The following SRRM3 variants were observed in gnomAD, a reference collection of about 807,000 sequenced individuals.
SRRM3 encodes serine/arginine repetitive matrix 3.
In SRRM3, 27 loss-of-function variants were observed where a neutral mutation model predicts 66.2. That is an observed-to-expected ratio of 0.41 (90% CI 0.30 to 0.56). The LOEUF is 0.56. Among genes scored for constraint, SRRM3 ranks in the 20% least tolerant of loss-of-function variants. The probability of loss-of-function intolerance (pLI) is 0.32; values close to 1 mark genes in which losing one functional copy is unlikely to be tolerated. For missense variants in SRRM3, 918 were observed against 991.9 expected (o/e 0.93, Z 1.00); for synonymous variants, 391 against 414.9 (o/e 0.94, Z 0.70).
At chr7:76,225,223 C>T (rs934954918) in intron 1 of SRRM3, among the ~76,000 whole-genome samples, 8 of 152,176 alleles carry the variant, frequency 5.3e-5, no homozygotes, top group Admixed American at 5.2e-4. Context: ...GACTCCAAGT[C>T]CTTGTCCTGG....
rs1433176087 is a variant in SRRM3 at position 76,260,063 on chromosome 7, G to A, written c.464+29G>A. 11 of 1,472,632 alleles carry A rather than the reference G, an allele frequency of 7.5e-6. No homozygotes were observed. In the East Asian group the frequency reaches 1.1e-4, roughly 14 times the overall value. The allele number at this position is 1,472,632 out of a possible 1,614,324, so 91.2% of individuals were successfully genotyped here. On this transcript the variant is annotated intron_variant, in intron 4 of 14. Transcript: ENST00000611745. ...AGCGGCCGCCGCGGCGGGGGTGGGG[G>A]GCGCGCGGGGCTGCCCCCCCTCACC...
At chr7:76,225,237 A>T (rs1305515584) in intron 1 of SRRM3, among the ~76,000 whole-genome samples, 2 of 152,114 alleles carry the variant, frequency 1.3e-5, no homozygotes, top group Non-Finnish European at 1.5e-5. Flanking sequence ...GTCCTGGTCT[A>T]ACACTCTTTT....
chr7:76,248,313 T>C (rs1005704913), intron 3 of SRRM3, 24 bp downstream of exon 3: 6 of 1,582,600 alleles, frequency 3.8e-6, no homozygotes, highest in Non-Finnish European at 5.2e-6. Context: ...TGTGTGGGGA[T>C]GAGGGAGAGG....
rs1802671503 is a variant in SRRM3 at position 76,286,201 on chromosome 7, T to C, written c.*358T>C. The C allele has an allele frequency of 3.0e-6, 1 of 331,542 alleles. No individual in the cohort carries two copies. The highest frequency in any genetic ancestry group is 4.7e-5 in the Admixed American group (1 of 21,114). 20.5% of individuals were successfully genotyped at this position (331,542 alleles called of 1,614,324 possible). A position where few individuals can be genotyped will look rare whatever the true frequency, so the allele number is the denominator to read the frequency against. ...GATGGTACCAGAGTCCATGATCTGCTCTGTCACTTCACCTTAGCTCAGTGC... is the reference window on the plus strand; with the variant it reads ...GATGGTACCAGAGTCCATGATCTGCCCTGTCACTTCACCTTAGCTCAGTGC... On this transcript the variant is annotated 3_prime_UTR_variant, in exon 15 of 15. Transcript: ENST00000611745.
chr7:76,204,270 C>G (rs527353631), intron 1 of SRRM3, among the ~76,000 whole-genome samples: 1 of 152,276 alleles, frequency 6.6e-6, no homozygotes, highest in Admixed American at 6.5e-5. Flanking sequence ...CTCTTCCTGT[C>G]TCAGAAGCCT....
intron 1 of SRRM3, among the ~76,000 whole-genome samples, chr7:76,230,635 TGA>T (rs1474416427): frequency 1.3e-5 from 2 of 149,922 alleles, no homozygotes; most frequent in Non-Finnish European, 3.0e-5. Flanking sequence ...GGCAACAGAT[TGA>T]GAGTCAGGAA....
At chr7:76,242,291 C>G (rs1471751853) in intron 2 of SRRM3, among the ~76,000 whole-genome samples, 11 of 152,108 alleles carry the variant, frequency 7.2e-5, no homozygotes, top group Admixed American at 7.2e-4. Flanking sequence ...TCGAGACCAG[C>G]CTGACCAACA....
chr7:76,260,196 C>A lies in SRRM3; in HGVS notation c.544C>A (p.Arg182Ser), dbSNP rs915739393. The A allele has an allele frequency of 3.3e-6, 5 of 1,536,504 alleles. No individual in the cohort carries two copies. The highest frequency in any genetic ancestry group is 2.8e-5 in the African/African-American group (2 of 70,906). Residue 182 changes from arginine (R) to serine (S), a missense_variant and splice_region_variant, in exon 5 of 15, where the codon CGC (arginine) becomes AGC (serine). Arg to Ser is a moderately radical substitution (Grantham distance 110). Coordinates refer to ENST00000611745, the MANE Select transcript of SRRM3 (RefSeq NM_001110199.3). ...AAAGAAAGGCGGCCACCGGAGAAGC[C>A]GGTGAGAACCGCGCCTGACCGGAGC... The part of the protein sequence containing the change: ...KKKKGGHRRS[R>S]KKRRLESECS...
intron 11 of SRRM3, among the ~76,000 whole-genome samples, chr7:76,281,063 C>T (rs892175356): frequency 2.7e-5 from 4 of 148,636 alleles, no homozygotes; most frequent in African/African-American, 7.5e-5. Context: ...CTCTTTCGCC[C>T]TCTCTCTTTC....
In SRRM3 at chr7:76,267,494, G is replaced by T. The variant is rs1329381646; in HGVS notation, c.1008+59G>T. On this transcript the variant is annotated intron_variant, in intron 11 of 14. Transcript: ENST00000611745. The stretch of plus-strand genomic sequence containing the variant: ...GCCGCGGGCTGCGCCGTGCGTGGTC[G>T]GGCGGGTCGCCAGCGGGGCAGGGGG... 3 of 1,247,380 alleles carry T rather than the reference G, an allele frequency of 2.4e-6. No homozygotes were observed. In the East Asian group the frequency reaches 1.0e-4, roughly 43 times the overall value. 77.3% of individuals were successfully genotyped at this position (1,247,380 alleles called of 1,614,324 possible).
In SRRM3 at chr7:76,267,382, C is replaced by CAGCGG. The variant is rs1255721898; in HGVS notation, c.965_969dup (p.His324GlufsTer277). On this transcript the variant is annotated frameshift_variant, in exon 11 of 15. Coordinates refer to ENST00000611745, the MANE Select transcript of SRRM3 (RefSeq NM_001110199.3). LOFTEE classifies it high-confidence loss of function. ...GCCCCAGCGGAACGGCGGCAGCGGGCAGCGGAGCGGAGCGCACGGGGGCCG... is the reference window on the plus strand; with the variant it reads ...GCCCCAGCGGAACGGCGGCAGCGGGCAGCGGAGCGGAGCGGAGCGCACGGGGGCCG... 1.4e-6 allele frequency: 2 copies of CAGCGG among 1,437,150 alleles called. No homozygotes were observed. The highest frequency in any genetic ancestry group is 1.8e-6 in the Non-Finnish European group (2 of 1,100,664). The allele number at this position is 1,437,150 out of a possible 1,614,324, so 89.0% of individuals were successfully genotyped here.
chr7:76,283,037 T>C lies in SRRM3; in HGVS notation c.1669T>C (p.Tyr557His). 6.7e-7 allele frequency: 1 copy of C among 1,493,720 alleles called. No individual in the cohort carries two copies. Among genetic ancestry groups the C allele is most frequent in the Non-Finnish European group, 8.8e-7 (1 of 1,132,338 alleles). The allele number at this position is 1,493,720 out of a possible 1,614,324, so 92.5% of individuals were successfully genotyped here. ...ATRARRRSRSYSPIRKRRRDS... is the reference protein window; with the variant it reads ...ATRARRRSRSHSPIRKRRRDS... Reference sequence around the variant, plus strand: ...CCGCGCCCGGCGCCGCTCCCGCAGCTACTCGCCCATCCGCAAGCGGCGCCG... The same window carrying C: ...CCGCGCCCGGCGCCGCTCCCGCAGCCACTCGCCCATCCGCAAGCGGCGCCG... Residue 557 changes from tyrosine (Y) to histidine (H), a missense_variant, in exon 14 of 15, where the codon TAC (tyrosine) becomes CAC (histidine). Transcript: ENST00000611745.
chr7:76,271,808 C>A (rs1331224815), intron 11 of SRRM3, among the ~76,000 whole-genome samples: 1 of 152,182 alleles, frequency 6.6e-6, no homozygotes, highest in Non-Finnish European at 1.5e-5. Flanking sequence ...CTCCTGCTTT[C>A]CCCCATCAGA....
At chr7:76,244,556 GAA>G in intron 2 of SRRM3, among the ~76,000 whole-genome samples, 1 of 148,630 alleles carries the variant, frequency 6.7e-6, no homozygotes, top group African/African-American at 2.5e-5. Context: ...TGAAGAAGAA[GAA>G]GAAGTAGGTG....
chr7:76,277,716 C>CAAAAAAAAAAAAAAAAAAA (rs386353056), intron 11 of SRRM3, among the ~76,000 whole-genome samples: 2 of 102,780 alleles, frequency 1.9e-5, no homozygotes, highest in Non-Finnish European at 3.7e-5. Context: ...TAAACAACAA[C>CAAAAAAAAAAAAAAAAAAA]AAAAAAAAAA....
At position 76,286,184 on chromosome 7, in the gene SRRM3, C is replaced by A; in HGVS notation, c.*341C>A. ...TGGGACTGCTGCCGGTGGATGGTACCAGAGTCCATGATCTGCTCTGTCACT... is the reference window on the plus strand; with the variant it reads ...TGGGACTGCTGCCGGTGGATGGTACAAGAGTCCATGATCTGCTCTGTCACT... On this transcript the variant is annotated 3_prime_UTR_variant, in exon 15 of 15. Transcript: ENST00000611745. 1 of 394,918 alleles carries A rather than the reference C, an allele frequency of 2.5e-6. No homozygotes were observed. Among genetic ancestry groups the A allele is most frequent in the Non-Finnish European group, 4.8e-6 (1 of 206,638 alleles). 24.5% of individuals were successfully genotyped at this position (394,918 alleles called of 1,614,324 possible). A position where few individuals can be genotyped will look rare whatever the true frequency, so the allele number is the denominator to read the frequency against.
At chr7:76,281,404 C>A (rs1299031944) in intron 11 of SRRM3, 37 bp from the exon 12 acceptor site, 3 of 1,203,260 alleles carry the variant, frequency 2.5e-6, no homozygotes, top group Non-Finnish European at 2.1e-6. Context: ...GTCTCCCTCT[C>A]CCCCCTCCGT....
Position 76,203,162 on chromosome 7 carries a change from G to A in SRRM3, c.-40+1095G>A, listed in dbSNP as rs376898888. Among the ~76,000 whole-genome samples the A allele has an allele frequency of 2.0e-5, 3 of 152,320 alleles. No homozygotes were observed. In the East Asian group the frequency reaches 5.8e-4, roughly 29 times the overall value. On this transcript the variant is annotated intron_variant, in intron 1 of 14. Coordinates refer to ENST00000611745, the MANE Select transcript of SRRM3 (RefSeq NM_001110199.3). ...GTCAAAAATAGGACCCAGCTGGCTA[G>A]GAAATTGTTCCCACACAGCAGTAGC...
chr7:76,205,933 T>C (rs1384200785), intron 1 of SRRM3, among the ~76,000 whole-genome samples: 2 of 152,164 alleles, frequency 1.3e-5, no homozygotes, highest in African/African-American at 4.8e-5. Flanking sequence ...GACATACAGA[T>C]TTATAGGACA....
Sources: gnomAD v4.1 joint callset for allele counts (sites outside exome capture counted in the v4.1 genomes callset) on GRCh38, gnomAD v4.1.1 for gene constraint, MANE v1.5 for transcripts, NCBI Gene and HGNC (gene_info 2026-07-23, HGNC 2026-07-21) for gene names.